VPS13B: variants seen among roughly 807,000 people sequenced by gnomAD.
VPS13B encodes the protein intermembrane lipid transfer protein VPS13B.
A neutral mutation model predicts 426.4 loss-of-function variants in VPS13B; 285 were observed. The ratio of observed to expected loss-of-function variants is 0.67; its 90% CI spans 0.61 to 0.74. The LOEUF (loss-of-function observed/expected upper bound fraction) is 0.74. VPS13B is among the 30% of genes least tolerant of loss of function. The pLI, the probability that VPS13B is intolerant of heterozygous loss-of-function variation, is 0.00. For synonymous variants in VPS13B, 1,676 were observed against 1,676.4 expected (o/e 1.00, Z 0.01); for missense variants, 4,537 against 4,782.6 (o/e 0.95, Z 1.51).
intron 19 of VPS13B, among the ~76,000 whole-genome samples, chr8:99,308,145 G>A (rs944322508): frequency 5.3e-5 from 8 of 150,730 alleles, no homozygotes; most frequent in East Asian, 1.9e-4. Context: ...TTAAAATTTC[G>A]TTTAGACTTT....
At chr8:99,355,667 C>T (rs1027608153) in intron 19 of VPS13B, among the ~76,000 whole-genome samples, 2 of 152,128 alleles carry the variant, frequency 1.3e-5, no homozygotes, top group African/African-American at 4.8e-5. Flanking sequence ...TTCCTTCATA[C>T]CAAGTATGTT....
chr8:99,776,595 A>G (rs1197761924), intron 40 of VPS13B, among the ~76,000 whole-genome samples, 180 bp from the exon 41 acceptor site: 1 of 152,216 alleles, frequency 6.6e-6, no homozygotes, highest in East Asian at 1.9e-4. Context: ...GCACCTGGCC[A>G]AACACGAGCT....
chr8:99,302,132 A>T (rs1368424988), intron 19 of VPS13B, among the ~76,000 whole-genome samples: 2 of 152,190 alleles, frequency 1.3e-5, no homozygotes, highest in African/African-American at 2.4e-5. Flanking sequence ...TGAAGTCATT[A>T]TTCTAGGGTT....
intron 39 of VPS13B, among the ~76,000 whole-genome samples, chr8:99,744,659 T>C (rs534238734): frequency 6.6e-6 from 1 of 152,318 alleles, no homozygotes; most frequent in African/African-American, 2.4e-5. Context: ...GATGAGTTCA[T>C]GTCCTTTGTA....
chr8:99,066,689 A>G (rs934999243), intron 3 of VPS13B, among the ~76,000 whole-genome samples: 2 of 152,240 alleles, frequency 1.3e-5, no homozygotes, highest in Non-Finnish European at 2.9e-5. Flanking sequence ...GCACAGCAAA[A>G]GAAACTACCA....
intron 2 of VPS13B, among the ~76,000 whole-genome samples, chr8:99,028,642 C>T (rs1403627455): frequency 3.1e-5 from 4 of 129,898 alleles, no homozygotes; most frequent in African/African-American, 2.9e-5. Context: ...ACCTCCCTCC[C>T]GGACGGGGTG....
intron 8 of VPS13B, among the ~76,000 whole-genome samples, chr8:99,127,637 T>G (rs960685397): frequency 7.9e-5 from 12 of 152,302 alleles, no homozygotes; most frequent in Admixed American, 7.2e-4. Context: ...CTTTTTGATC[T>G]CAAGGCTCCA....
intron 34 of VPS13B, among the ~76,000 whole-genome samples, chr8:99,656,235 C>A (rs557757288): frequency 2.0e-4 from 30 of 152,266 alleles, no homozygotes; most frequent in African/African-American, 6.7e-4. Context: ...TCACTCTGAA[C>A]CAAATTTATG....
chr8:99,200,743 CTT>C (rs1814267218), intron 17 of VPS13B, among the ~76,000 whole-genome samples: 1 of 152,028 alleles, frequency 6.6e-6, no homozygotes, highest in Admixed American at 6.5e-5. Flanking sequence ...AGATCTGCCT[CTT>C]TTTCTTTTAA....
At chr8:99,587,532 G>T (rs953734177) in intron 33 of VPS13B, among the ~76,000 whole-genome samples, 24 of 151,702 alleles carry the variant, frequency 1.6e-4, no homozygotes, top group Non-Finnish European at 2.8e-4. Context: ...GCATGAGATG[G>T]TATCTCATTG....
intron 43 of VPS13B, among the ~76,000 whole-genome samples, chr8:99,793,061 A>G (rs1812632077): frequency 6.7e-6 from 1 of 149,478 alleles, no homozygotes; most frequent in Non-Finnish European, 1.5e-5. Context: ...AAAAAAAATT[A>G]GGCATGGTGG....
intron 13 of VPS13B, among the ~76,000 whole-genome samples, chr8:99,144,922 G>T (rs1353008476): frequency 1.3e-5 from 2 of 152,210 alleles, no homozygotes; most frequent in South Asian, 4.2e-4. Flanking sequence ...GTTTTAGTAG[G>T]GACTTTAGGA....
chr8:99,343,903 G>A (rs1233157322), intron 19 of VPS13B, among the ~76,000 whole-genome samples: 3 of 152,092 alleles, frequency 2.0e-5, no homozygotes, highest in East Asian at 1.9e-4. Flanking sequence ...TATCCAAAAC[G>A]ATTTACAGAT....
chr8:99,441,071 A>G (rs1235813393), intron 22 of VPS13B, among the ~76,000 whole-genome samples: 2 of 152,116 alleles, frequency 1.3e-5, no homozygotes, highest in Admixed American at 6.6e-5. Flanking sequence ...AAATCAATAA[A>G]CTACTTAACA....
At chr8:99,703,583 A>C (rs1832373526) in intron 36 of VPS13B, among the ~76,000 whole-genome samples, 1 of 152,216 alleles carries the variant, frequency 6.6e-6, no homozygotes, top group South Asian at 2.1e-4. Flanking sequence ...TTATTTTGCT[A>C]TTCATTGAAC....
At chr8:99,551,275 GTC>G (rs1824269474) in intron 30 of VPS13B, among the ~76,000 whole-genome samples, 1 of 152,070 alleles carries the variant, frequency 6.6e-6, no homozygotes, top group East Asian at 1.9e-4. Context: ...TAGAGTTAAA[GTC>G]TATGTTGTAT....
chr8:99,284,738 T>G (rs966448040), intron 19 of VPS13B, among the ~76,000 whole-genome samples: 2 of 46,802 alleles, frequency 4.3e-5, no homozygotes, highest in Admixed American at 3.0e-4. Context: ...GTGTGTGTGT[T>G]TTTGTAGAGA....
At chr8:99,529,310 T>C (rs970032360) in intron 30 of VPS13B, among the ~76,000 whole-genome samples, 7 of 152,182 alleles carry the variant, frequency 4.6e-5, no homozygotes, top group Admixed American at 2.0e-4. Context: ...TGCATAGTAT[T>C]CTTTAACTTG....
chr8:99,365,588 C>T (rs932347747), intron 19 of VPS13B, among the ~76,000 whole-genome samples: 8 of 146,376 alleles, frequency 5.5e-5, no homozygotes, highest in African/African-American at 2.0e-4. Context: ...ACGATCTCGG[C>T]TCACTGCAAC....
Sources: gnomAD v4.1 joint callset for allele counts (sites outside exome capture counted in the v4.1 genomes callset) on GRCh38, gnomAD v4.1.1 for gene constraint, MANE v1.5 for transcripts, NCBI Gene and HGNC (gene_info 2026-07-23, HGNC 2026-07-21) for gene names.